The following SDK2 variants were observed in gnomAD, a reference collection of about 807,000 sequenced individuals.
SDK2 encodes sidekick cell adhesion molecule 2.
A neutral mutation model predicts 253.9 loss-of-function variants in SDK2; 105 were observed. The observed-to-expected ratio is 0.41, with a 90% CI of 0.35 to 0.49. The LOEUF is 0.49. SDK2 is among the 20% of genes least tolerant of loss of function. The pLI, the probability that SDK2 is intolerant of heterozygous loss-of-function variation, is 0.06. For synonymous variants in SDK2, 1,249 were observed against 1,234.9 expected, an observed-to-expected ratio of 1.01 and a Z score of -0.24; for missense variants, 2,608 against 3,003.0, an observed-to-expected ratio of 0.87 and a Z score of 3.07.
intron 4 of SDK2, among the ~76,000 whole-genome samples, chr17:73,454,562 G>A (rs1424783029): frequency 1.3e-5 from 2 of 152,224 alleles, no homozygotes; most frequent in Non-Finnish European, 2.9e-5. Flanking sequence ...GGACTGGAAG[G>A]AGAACGAGAT....
chr17:73,574,418 T>C (rs373679292), intron 1 of SDK2, among the ~76,000 whole-genome samples: 2 of 152,176 alleles, frequency 1.3e-5, no homozygotes, highest in Admixed American at 6.5e-5. Flanking sequence ...ATCACGTGCA[T>C]GCACATGTGT....
chr17:73,450,412 G>A (rs765277430), intron 4 of SDK2, among the ~76,000 whole-genome samples: 3 of 152,184 alleles, frequency 2.0e-5, no homozygotes, highest in South Asian at 2.1e-4. Flanking sequence ...CCCGCAGACC[G>A]GGACATGGCC....
Position 73,453,685 on chromosome 17 carries a change from T to C in SDK2, c.479+2221A>G, listed in dbSNP as rs150741211. Among the ~76,000 whole-genome samples the C allele has an allele frequency of 3.8e-3, 574 of 152,268 alleles. 2 individuals carry two copies. The highest frequency in any genetic ancestry group is 6.9e-3 in the Non-Finnish European group (468 of 68,010). ...AGCCACTGCACCTGGCCCACTGAGCTGTTTTGTTACGCAGCATATCTGTGG... is the reference window on the plus strand; with the variant it reads ...AGCCACTGCACCTGGCCCACTGAGCCGTTTTGTTACGCAGCATATCTGTGG... On this transcript the variant is annotated intron_variant, in intron 4 of 44. Transcript: ENST00000392650.
Position 73,423,963 on chromosome 17 carries a change from C to A in SDK2, c.1713G>T (p.Val571=). Residue 571 remains valine, a synonymous_variant, in exon 13 of 45, where the codon GTG becomes GTT. Transcript: ENST00000392650. The part of the protein sequence containing the change: ...SGDIGTYTCR[V]ISAGGNDSRS... Reference sequence around the variant, plus strand: ...GAGAGTCGTTGCCTCCTGCTGAGATCACCCGGCAGGTGTACGTGCCGATGT... The same window carrying A: ...GAGAGTCGTTGCCTCCTGCTGAGATAACCCGGCAGGTGTACGTGCCGATGT... 1 of 1,604,818 alleles carries A rather than the reference C, an allele frequency of 6.2e-7. No individual in the cohort carries two copies. Among genetic ancestry groups the A allele is most frequent in the Non-Finnish European group, 8.5e-7 (1 of 1,176,164 alleles).
At chr17:73,509,831 C>T (rs1421430713) in intron 1 of SDK2, among the ~76,000 whole-genome samples, 1 of 133,844 alleles carries the variant, frequency 7.5e-6, no homozygotes. Context: ...ACTCAGGAGG[C>T]GGAGGTTGCA....
chr17:73,440,108 C>CTTT (rs112008765), intron 6 of SDK2, among the ~76,000 whole-genome samples: 1 of 138,700 alleles, frequency 7.2e-6, no homozygotes, highest in African/African-American at 2.6e-5. Flanking sequence ...AGCCCATACT[C>CTTT]TTTTTTTTTT....
rs969007427 is a variant in SDK2, at chr17:73,465,934, C to T, written c.331+6178G>A. On this transcript the variant is annotated intron_variant, in intron 3 of 44. Transcript: ENST00000392650. The surrounding 1 kb of genome is among the most constrained non-coding windows in gnomAD (Gnocchi z 4.2). ...CTCTCTCAGAACTGTGTGCCATCTG[C>T]GTGTGTGTGTAAGGAGACAGACGGA... is the stretch of plus-strand genomic sequence containing the variant. 2.0e-5 allele frequency among the ~76,000 whole-genome samples: 3 copies of T among 152,114 alleles called. No homozygotes were observed. The highest frequency in any genetic ancestry group is 2.1e-4 in the South Asian group (1 of 4,826).
At position 73,483,692 on chromosome 17, in the gene SDK2, TATATATATATATATA is replaced by T. The variant is rs1302590591; in HGVS notation, c.225-11489_225-11475del. ...ATATATATATATATATTTATATATA[TATATATATATATATA>T]TTTTTTTTTTTTTTTAGTAGAGTTG... On this transcript the variant is annotated intron_variant, in intron 2 of 44. Coordinates refer to ENST00000392650, the MANE Select transcript of SDK2 (RefSeq NM_001144952.2). Among the ~76,000 whole-genome samples the T allele has an allele frequency of 5.4e-4, 45 of 82,774 alleles. 4 individuals carry two copies. The highest frequency in any genetic ancestry group is 1.6e-3 in the East Asian group (4 of 2,542). The allele number at this position is 82,774 out of a possible 152,430, so 54.3% of individuals were successfully genotyped here.
At chr17:73,394,970 G>T (rs1436513325) in intron 25 of SDK2, among the ~76,000 whole-genome samples, 185 bp downstream of exon 25, 1 of 152,190 alleles carries the variant, frequency 6.6e-6, no homozygotes. Context: ...AGGCACAGTT[G>T]CAGAGAAGTG....
chr17:73,562,104 C>T (rs1384101950), intron 1 of SDK2, among the ~76,000 whole-genome samples: 5 of 151,918 alleles, frequency 3.3e-5, no homozygotes, highest in South Asian at 2.1e-4. Flanking sequence ...CCAACCTGGG[C>T]GACAGAGCGA....
At chr17:73,514,787 G>A (rs1406919338) in intron 1 of SDK2, among the ~76,000 whole-genome samples, 1 of 152,136 alleles carries the variant, frequency 6.6e-6, no homozygotes, top group Non-Finnish European at 1.5e-5. Flanking sequence ...GTGGGAGCTG[G>A]GATTTCTAGA....
At chr17:73,436,972 T>C (rs976676579) in intron 8 of SDK2, among the ~76,000 whole-genome samples, 2 of 152,102 alleles carry the variant, frequency 1.3e-5, no homozygotes, top group Non-Finnish European at 2.9e-5. Context: ...GGGATCTGGC[T>C]GTTTGGTTTA....
In SDK2 at chr17:73,387,961, C is replaced by T. The variant is rs1251747976; in HGVS notation, c.4269G>A (p.Glu1423=). The T allele has an allele frequency of 1.3e-6, 2 of 1,574,850 alleles. No homozygotes were observed. The change falls in exon 30 of 45, where the codon GAG becomes GAA. Residue 1423 remains glutamate (E), a synonymous_variant. Coordinates refer to ENST00000392650, the MANE Select transcript of SDK2 (RefSeq NM_001144952.2). ...CAGGGGAGAGCCCGTCGCTCCCTGGCTCCCAGGACAGCAGCACGCTGCGTG... is the reference window on the plus strand; with the variant it reads ...CAGGGGAGAGCCCGTCGCTCCCTGGTTCCCAGGACAGCAGCACGCTGCGTG... ...VRARSVLLSW[E]PGSDGLSPVR...
intron 44 of SDK2, 142 bp downstream of exon 44, chr17:73,348,457 A>T: frequency 9.9e-7 from 1 of 1,013,500 alleles, no homozygotes; most frequent in Non-Finnish European, 1.4e-6. Context: ...TGGCCCATAT[A>T]TGACTTCAGG....
In SDK2 at chr17:73,450,638, T is replaced by C. The variant is rs966865396; in HGVS notation, c.480-2890A>G. ...TCCCACCTCCAATTTCATCTCTTTCTTGATCAGGAAGGCTCCTTTCACTGT... is the reference window on the plus strand; with the variant it reads ...TCCCACCTCCAATTTCATCTCTTTCCTGATCAGGAAGGCTCCTTTCACTGT... On this transcript the variant is annotated intron_variant, in intron 4 of 44. Coordinates refer to ENST00000392650, the MANE Select transcript of SDK2 (RefSeq NM_001144952.2). Among the ~76,000 whole-genome samples, 59 of 152,372 alleles carry C rather than the reference T, an allele frequency of 3.9e-4. 1 individual carries two copies. Among genetic ancestry groups the C allele is most frequent in the Admixed American group, 3.1e-3 (47 of 15,312 alleles).
chr17:73,461,943 G>A (rs971106509), intron 3 of SDK2, among the ~76,000 whole-genome samples: 7 of 152,050 alleles, frequency 4.6e-5, no homozygotes, highest in Admixed American at 4.6e-4. Flanking sequence ...TTGTATGTAT[G>A]TTTACATGTA....
rs1353063277 is a variant in SDK2 at position 73,467,634 on chromosome 17, A to G, written c.331+4478T>C. Among the ~76,000 whole-genome samples, 4 of 152,182 alleles carry G rather than the reference A, an allele frequency of 2.6e-5. No individual in the cohort carries two copies. The highest frequency in any genetic ancestry group is 4.4e-5 in the Non-Finnish European group (3 of 68,012). ...TGAGGCCAGTGTGTCCAGCAAGGGC[A>G]TGAATGGGGGAGGTATGCTTCTCTC... On this transcript the variant is annotated intron_variant, in intron 3 of 44. Transcript: ENST00000392650. The surrounding 1 kb of genome is among the most constrained non-coding windows in gnomAD (Gnocchi z 4.1).
At chr17:73,368,772 G>A (rs2062708729) in intron 36 of SDK2, among the ~76,000 whole-genome samples, 179 bp from the exon 37 acceptor site, 1 of 152,178 alleles carries the variant, frequency 6.6e-6, no homozygotes, top group African/African-American at 2.4e-5. Flanking sequence ...CACTTTGGGA[G>A]GCAGAGGTGG....
chr17:73,546,997 G>T (rs1350910303), intron 1 of SDK2, among the ~76,000 whole-genome samples: 1 of 152,198 alleles, frequency 6.6e-6, no homozygotes, highest in African/African-American at 2.4e-5. Context: ...AGCCGGACTT[G>T]ACTCTGGAGC....
Sources: allele counts gnomAD v4.1 joint callset (sites outside exome capture counted in the v4.1 genomes callset), GRCh38; gene constraint gnomAD v4.1.1; non-coding constraint Gnocchi (gnomAD v3.1); transcripts MANE v1.5; gene names NCBI Gene and HGNC (gene_info 2026-07-23, HGNC 2026-07-21).